The following TUSC3 variants were observed in gnomAD, a reference collection of about 807,000 sequenced individuals.
TUSC3 encodes the protein dolichyl-diphosphooligosaccharide--protein glycosyltransferase subunit TUSC3.
A neutral mutation model predicts 44.8 loss-of-function variants in TUSC3; 45 were observed. The observed-to-expected ratio is 1.00, with a 90% CI of 0.79 to 1.29. The LOEUF (loss-of-function observed/expected upper bound fraction) is 1.29, where lower values mean the gene tolerates loss of function less well. TUSC3 is among the 50% of genes most tolerant of loss of function. TUSC3 has a pLI of 0.00. For synonymous variants in TUSC3, 212 were observed against 152.9 expected (o/e 1.39, Z -2.85); for missense variants, 519 against 437.9 (o/e 1.19, Z -1.65).
At chr8:15,683,014 T>A (rs1006671391) in intron 6 of TUSC3, among the ~76,000 whole-genome samples, 1 of 152,142 alleles carries the variant, frequency 6.6e-6, no homozygotes, top group African/African-American at 2.4e-5. Flanking sequence ...TGATAGGAAG[T>A]ACTATGTTAG....
rs529628558 is a variant in TUSC3 at position 15,438,348 on chromosome 8, G to A, written n.91+21043G>A. Among the ~76,000 whole-genome samples the A allele has an allele frequency of 2.2e-4, 33 of 152,184 alleles. 1 individual carries two copies. Among genetic ancestry groups the A allele is most frequent in the Admixed American group, 2.0e-3 (30 of 15,288 alleles). ...AGACCTCAGGTGGTCCGCCTGCCTC[G>A]GCCCCCCAAAGTGCTGGGATTACAG... On this transcript the variant is annotated intron_variant and non_coding_transcript_variant, in intron 1 of 5. Coordinates refer to the TUSC3 transcript ENST00000503191.
intron 1 of TUSC3, among the ~76,000 whole-genome samples, chr8:15,473,734 C>T (rs996635100): frequency 2.0e-5 from 3 of 152,128 alleles, no homozygotes; most frequent in Admixed American, 6.5e-5. Context: ...GTCACAAGAT[C>T]ACATGCTTCA....
chr8:15,656,690 G>A (rs1421675400), intron 3 of TUSC3, among the ~76,000 whole-genome samples: 1 of 152,196 alleles, frequency 6.6e-6, no homozygotes, highest in Non-Finnish European at 1.5e-5. Context: ...GCATGCTGTT[G>A]GCTCTGTAGT....
At chr8:15,430,881 C>T (rs563230639) in intron 1 of TUSC3, among the ~76,000 whole-genome samples, 4 of 151,786 alleles carry the variant, frequency 2.6e-5, no homozygotes, top group South Asian at 2.1e-4. Flanking sequence ...TCTGATTATC[C>T]AGATTTTTGT....
chr8:15,732,071 A>G (rs902016903), intron 7 of TUSC3, among the ~76,000 whole-genome samples: 3 of 152,204 alleles, frequency 2.0e-5, no homozygotes, highest in African/African-American at 7.2e-5. Context: ...GCACACATTA[A>G]GCATCCAATA....
chr8:15,623,977 C>T (rs1002677242), intron 2 of TUSC3, among the ~76,000 whole-genome samples: 36 of 152,096 alleles, frequency 2.4e-4, no homozygotes, highest in African/African-American at 2.2e-4. Flanking sequence ...TCTTACCTGT[C>T]GAACTTGACC....
At chr8:15,594,223 T>G (rs1266440174) in intron 1 of TUSC3, among the ~76,000 whole-genome samples, 1 of 152,220 alleles carries the variant, frequency 6.6e-6, no homozygotes. Context: ...GTTAATTCCT[T>G]CTGCTGTATT....
At chr8:15,836,664 T>G in the TUSC3 span, among the ~76,000 whole-genome samples, 1 of 152,136 alleles carries the variant, frequency 6.6e-6, no homozygotes, top group African/African-American at 2.4e-5. Context: ...TATATATTAA[T>G]CTATCTATCT....
intron 10 of TUSC3, among the ~76,000 whole-genome samples, chr8:15,762,001 A>G (rs953056902): frequency 5.3e-5 from 8 of 152,016 alleles, no homozygotes; most frequent in African/African-American, 1.9e-4. Context: ...TTGAGTGATA[A>G]TATCAATATA....
intron 2 of TUSC3, among the ~76,000 whole-genome samples, chr8:15,483,694 T>C (rs1018729318): frequency 7.2e-6 from 1 of 138,214 alleles, no homozygotes; most frequent in African/African-American, 2.7e-5. Flanking sequence ...TTCGCTCTGT[T>C]GCCCATGCTG....
At chr8:15,431,816 T>A (rs952150196) in intron 1 of TUSC3, among the ~76,000 whole-genome samples, 3 of 66,446 alleles carry the variant, frequency 4.5e-5, no homozygotes, top group African/African-American at 9.7e-5. Flanking sequence ...TATATGGACC[T>A]TATTATGTTG....
rs573950542 is a variant in TUSC3, at chr8:15,556,516, C to G, written c.138+15948C>G. Among the ~76,000 whole-genome samples the G allele has an allele frequency of 2.7e-5, 4 of 150,896 alleles. No homozygotes were observed. The South Asian group carries it at 8.5e-4, about 32-fold the overall frequency. ...CGATTTATAGTCCTTTGGGTATATA[C>G]CCAGTAATGGGATGGCTGGGTCAAA... On this transcript the variant is annotated intron_variant, in intron 1 of 10. Coordinates refer to ENST00000503731, the MANE Select transcript of TUSC3 (RefSeq NM_006765.4).
intron 2 of TUSC3, among the ~76,000 whole-genome samples, chr8:15,485,466 T>TG (rs1402411006): frequency 7.1e-6 from 1 of 141,448 alleles, no homozygotes; most frequent in Non-Finnish European, 1.6e-5. Context: ...TCTGTTGTCT[T>TG]TTTTTTTTTG....
intron 2 of TUSC3, among the ~76,000 whole-genome samples, chr8:15,517,034 G>A (rs1178002267): frequency 6.6e-6 from 1 of 152,004 alleles, no homozygotes; most frequent in African/African-American, 2.4e-5. Context: ...ATGGTACCAG[G>A]GCTTAGATCC....
At chr8:15,628,160 A>G (rs1280515646) in intron 2 of TUSC3, among the ~76,000 whole-genome samples, 1 of 152,214 alleles carries the variant, frequency 6.6e-6, no homozygotes, top group Non-Finnish European at 1.5e-5. Flanking sequence ...CTAAAAACTG[A>G]ATGTATTGAT....
intron 1 of TUSC3, among the ~76,000 whole-genome samples, chr8:15,586,627 G>C (rs1198264505): frequency 6.6e-6 from 1 of 152,140 alleles, no homozygotes; most frequent in Non-Finnish European, 1.5e-5. Context: ...TTTGGAGTGA[G>C]AAACTGAGGA....
At chr8:15,718,177 G>A (rs1319101678) in intron 6 of TUSC3, among the ~76,000 whole-genome samples, 1 of 152,072 alleles carries the variant, frequency 6.6e-6, no homozygotes, top group African/African-American at 2.4e-5. Context: ...TTAACTAGAA[G>A]TGAGGAATTG....
chr8:15,728,921 A>G (rs1001115801), intron 6 of TUSC3, among the ~76,000 whole-genome samples: 3 of 152,038 alleles, frequency 2.0e-5, no homozygotes, highest in Non-Finnish European at 4.4e-5. Flanking sequence ...ATTAAAGAGA[A>G]TGAGTGGTCA....
In TUSC3 at chr8:15,657,409, A is replaced by G. The variant is rs1268875644; in HGVS notation, c.427-2098A>G. On this transcript the variant is annotated intron_variant, in intron 3 of 10. Coordinates refer to ENST00000503731, the MANE Select transcript of TUSC3 (RefSeq NM_006765.4). The stretch of plus-strand genomic sequence containing the variant: ...TGATTGCTTTTAAGTTCTGCATTCT[A>G]TAAAGTCCTAGGACACAGACACACT... Among the ~76,000 whole-genome samples the G allele has an allele frequency of 3.3e-5, 5 of 152,280 alleles. No individual in the cohort carries two copies. The East Asian group carries it at 5.8e-4, about 18-fold the overall frequency.
Sources: allele counts gnomAD v4.1 joint callset (sites outside exome capture counted in the v4.1 genomes callset), GRCh38; gene constraint gnomAD v4.1.1; transcripts MANE v1.5; gene names NCBI Gene and HGNC (gene_info 2026-07-23, HGNC 2026-07-21).